The following KMT2B variants were observed in gnomAD, a reference collection of about 807,000 sequenced individuals.
The protein encoded by KMT2B is lysine methyltransferase 2B, also known as histone-lysine N-methyltransferase 2B.
A neutral mutation model predicts 255.3 loss-of-function variants in KMT2B; 22 were observed. The observed-to-expected ratio is 0.09, with a 90% confidence interval of 0.06 to 0.12. KMT2B has a LOEUF of 0.12. KMT2B is among the 10% of genes least tolerant of loss of function. The pLI, the probability that KMT2B is intolerant of heterozygous loss-of-function variation, is 1.00. For missense variants in KMT2B, 3,149 were observed against 3,737.0 expected (o/e 0.84, Z 4.10); for synonymous variants, 1,730 against 1,498.1 (o/e 1.15, Z -3.57).
chr19:35,727,831 G>A lies in KMT2B; in HGVS notation c.4392+44G>A, dbSNP rs1969526339. The A allele has an allele frequency of 1.2e-6, 2 of 1,613,270 alleles. No individual in the cohort carries two copies. The highest frequency in any genetic ancestry group is 1.7e-6 in the Non-Finnish European group (2 of 1,179,352). The stretch of plus-strand genomic sequence containing the variant: ...GGAGCAGGTGGGTGGCAGGAGGAGA[G>A]GGCTGGAATTGTGCAGAGGGGACTC... On this transcript the variant is annotated intron_variant, in intron 17 of 36. Transcript: ENST00000420124. This position sits in a 1 kb window ranked among gnomAD's most constrained non-coding sequence, Gnocchi z 4.2.
At chr19:35,724,794 A>G (rs2146448685) in intron 9 of KMT2B, 63 bp downstream of exon 9, 2 of 1,409,648 alleles carry the variant, frequency 1.4e-6, no homozygotes, top group Non-Finnish European at 2.0e-6. Flanking sequence ...TCAGAGTGAC[A>G]GACACACCTG....
Position 35,730,833 on chromosome 19 carries a change from C to T in KMT2B, c.5403C>T (p.Asn1801=). ...CTCACCTGGAGGCTGCAGAGGAGAA[C>T]CAGACCATTGTGCACAGCCCCGCCC... ...EPAHLEAAEE[N]QTIVHSPAPS... Residue 1801 remains asparagine (N), a synonymous_variant, in exon 26 of 37, where the codon AAC becomes AAT. Transcript: ENST00000420124. 6.2e-7 allele frequency: 1 copy of T among 1,612,642 alleles called. No individual in the cohort carries two copies. Among genetic ancestry groups the T allele is most frequent in the Non-Finnish European group, 8.5e-7 (1 of 1,179,400 alleles).
chr19:35,731,358 G>T (rs1034235721), intron 26 of KMT2B, among the ~76,000 whole-genome samples: 3 of 152,232 alleles, frequency 2.0e-5, no homozygotes, highest in African/African-American at 7.2e-5. Flanking sequence ...TGGGGGAGAG[G>T]TTATTGTGGG....
chr19:35,734,114 A>G (rs1969830872), intron 30 of KMT2B, among the ~76,000 whole-genome samples: 1 of 152,104 alleles, frequency 6.6e-6, no homozygotes, highest in East Asian at 1.9e-4. Context: ...CATGCCCAAG[A>G]GCCTAGGGGA....
In KMT2B at chr19:35,729,287, G is replaced by A. The variant is rs1338811289; in HGVS notation, c.4908G>A (p.Gly1636=). Residue 1636 remains glycine, a synonymous_variant, in exon 22 of 37, where the codon GGG becomes GGA. Transcript: ENST00000420124. ...LKNVHAAVAR[G]RQMRCELCLK... ...ATGTGCATGCTGCTGTGGCCCGAGG[G>A]AGGCAGATGGTGAGGGCGCGGGCGC... 6.3e-7 allele frequency: 1 copy of A among 1,598,760 alleles called. No homozygotes were observed.
Position 35,718,396 on chromosome 19 carries a change from G to T in KMT2B, c.363+15G>T. 8.0e-7 allele frequency: 1 copy of T among 1,257,772 alleles called. No homozygotes were observed. The highest frequency in any genetic ancestry group is 3.8e-5 in the South Asian group (1 of 26,182). 77.9% of individuals were successfully genotyped at this position (1,257,772 alleles called of 1,614,324 possible). On this transcript the variant is annotated intron_variant, in intron 1 of 36. Transcript: ENST00000420124. This position sits in a 1 kb window ranked among gnomAD's most constrained non-coding sequence, Gnocchi z 5.0. The stretch of plus-strand genomic sequence containing the variant: ...CCGACGAGGAGGTGAGGCGGTTGGA[G>T]GCGTCCCCGGCGCCGGGTGGGGCGG...
chr19:35,734,907 C>G (rs1375525414), intron 30 of KMT2B, among the ~76,000 whole-genome samples: 1 of 152,214 alleles, frequency 6.6e-6, no homozygotes, highest in African/African-American at 2.4e-5. Context: ...GAGTGCTTAA[C>G]TCAGAGGCTG....
intron 9 of KMT2B, 99 bp from the exon 10 acceptor site, chr19:35,724,890 A>G: frequency 5.3e-6 from 6 of 1,135,814 alleles, no homozygotes; most frequent in Non-Finnish European, 7.9e-6. Flanking sequence ...GGTCTGGATC[A>G]GGGTCTGGGT....
rs1969316263 is a variant in KMT2B, at chr19:35,723,812, C to CG, written c.3145dup (p.Ala1049GlyfsTer39). The CG allele has an allele frequency of 1.9e-6, 3 of 1,592,870 alleles. No homozygotes were observed. The highest frequency in any genetic ancestry group is 1.7e-6 in the Non-Finnish European group (2 of 1,169,234). On this transcript the variant is annotated frameshift_variant, in exon 8 of 37. Transcript: ENST00000420124. LOFTEE classifies it high-confidence loss of function. This position sits in a 1 kb window ranked among gnomAD's most constrained non-coding sequence, Gnocchi z 7.5. ...CTCCCCTGGTCCTCCAGGCCCACGCCGGGGGGCGGGAGCTGGGGGGCCCCG... is the reference window on the plus strand; with the variant it reads ...CTCCCCTGGTCCTCCAGGCCCACGCCGGGGGGGCGGGAGCTGGGGGGCCCCG...
chr19:35,733,330 A>G lies in KMT2B; in HGVS notation c.6781A>G (p.Thr2261Ala), dbSNP rs1377293557. The stretch of plus-strand genomic sequence containing the variant: ...CCCGCCCCCGCCACCCCCTCCCCTG[A>G]CGCTGGTGCTGAGCAGTGGGCCAGC... ...PAPPPPPPPL[T>A]LVLSSGPASP... The change falls in exon 28 of 37, where the codon ACG becomes GCG. Residue 2261 changes from threonine (T) to alanine (A), a missense_variant. Thr to Ala is a moderately conservative substitution (Grantham distance 58). Coordinates refer to ENST00000420124, the MANE Select transcript of KMT2B (RefSeq NM_014727.3). The surrounding 1 kb of genome is among the most constrained non-coding windows in gnomAD (Gnocchi z 4.3). The G allele has an allele frequency of 2.4e-6, 3 of 1,265,072 alleles. No individual in the cohort carries two copies. Among genetic ancestry groups the G allele is most frequent in the Non-Finnish European group, 3.3e-6 (3 of 920,142 alleles). 78.4% of individuals were successfully genotyped at this position (1,265,072 alleles called of 1,614,324 possible).
At position 35,721,712 on chromosome 19, in the gene KMT2B, G is replaced by A; in HGVS notation, c.2365G>A (p.Glu789Lys). Residue 789 changes from glutamate (E) to lysine (K), a missense_variant, in exon 3 of 37, where the codon GAG (glutamate) becomes AAG (lysine). This residue lies in a region of KMT2B where 1,188 missense variants were observed against 1,106.4 expected (regional missense o/e 1.07). Transcript: ENST00000420124. ...GGGTTCCTTGCCGCTGTCTGGGGTA[G>A]AGGAGAAGATGTTCAGCCTCCTCAA... Reference protein sequence around the residue: ...GVGSLPLSGVEEKMFSLLKRA... With the variant: ...GVGSLPLSGVKEKMFSLLKRA... 1.2e-6 allele frequency: 2 copies of A among 1,610,586 alleles called. No individual in the cohort carries two copies. The highest frequency in any genetic ancestry group is 8.5e-7 in the Non-Finnish European group (1 of 1,178,372).
Position 35,725,779 on chromosome 19 carries a change from C to T in KMT2B, c.3846C>T (p.Pro1282=). ...CATACCACCCGGCCTGTCTGGGGCC[C>T]AGCTATCCAACCCGGGCCACGCGCA... is the stretch of plus-strand genomic sequence containing the variant. ...RHAYHPACLG[P]SYPTRATRKR... Residue 1282 remains proline, a synonymous_variant, in exon 13 of 37, where the codon CCC becomes CCT. Transcript: ENST00000420124. The surrounding 1 kb of genome is among the most constrained non-coding windows in gnomAD (Gnocchi z 4.1). 2.5e-6 allele frequency: 4 copies of T among 1,597,738 alleles called. No homozygotes were observed. The highest frequency in any genetic ancestry group is 3.4e-6 in the Non-Finnish European group (4 of 1,172,678).
Position 35,721,639 on chromosome 19 carries a change from G to A in KMT2B, c.2292G>A (p.Pro764=), listed in dbSNP as rs754973562. 1.6e-5 allele frequency: 26 copies of A among 1,613,276 alleles called. No homozygotes were observed. The highest frequency in any genetic ancestry group is 1.1e-4 in the East Asian group (5 of 44,870). The change falls in exon 3 of 37, where the codon CCG becomes CCA. Residue 764 remains proline (P), a synonymous_variant. Coordinates refer to ENST00000420124, the MANE Select transcript of KMT2B (RefSeq NM_014727.3). ...PPPQPQLQPP[P]SPQQMPPLEK... ...CACAGCCACAGCTGCAGCCACCGCC[G>A]TCACCACAGCAGATGCCTCCCCTGG... is the stretch of plus-strand genomic sequence containing the variant.
intron 3 of KMT2B, among the ~76,000 whole-genome samples, chr19:35,722,057 T>C (rs563248036): frequency 8.0e-5 from 12 of 149,318 alleles, no homozygotes; most frequent in African/African-American, 3.0e-4. Context: ...CAGGCTGGAG[T>C]GCAGTGGCGT....
chr19:35,719,830 T>A lies in KMT2B; in HGVS notation c.483T>A (p.Leu161=). ...GTCGCAAGCATAAGACGACCCCCCT[T>A]CCTCCTCCTCGCCTAGCAGATGTGG... ...GRGRKHKTTP[L]PPPRLADVAP... is the part of the protein sequence containing the mutation. Residue 161 remains leucine (L), a synonymous_variant, in exon 3 of 37, where the codon CTT becomes CTA. Coordinates refer to ENST00000420124, the MANE Select transcript of KMT2B (RefSeq NM_014727.3). 6.2e-7 allele frequency: 1 copy of A among 1,610,092 alleles called. No individual in the cohort carries two copies.
Position 35,733,389 on chromosome 19 carries a change from G to A in KMT2B, c.6840G>A (p.Arg2280=), listed in dbSNP as rs1323790209. Residue 2280 remains arginine (R), a synonymous_variant, in exon 28 of 37, where the codon AGG becomes AGA. Coordinates refer to ENST00000420124, the MANE Select transcript of KMT2B (RefSeq NM_014727.3). This position sits in a 1 kb window ranked among gnomAD's most constrained non-coding sequence, Gnocchi z 4.3. ...SPPRQAIRVK[R]VSTFSGRSPP... ...CCCGCCAGGCCATCCGCGTCAAGAGGGTGTCCACTTTCTCCGGCCGGTCCC... is the reference window on the plus strand; with the variant it reads ...CCCGCCAGGCCATCCGCGTCAAGAGAGTGTCCACTTTCTCCGGCCGGTCCC... 3 of 1,550,216 alleles carry A rather than the reference G, an allele frequency of 1.9e-6. No individual in the cohort carries two copies. Among genetic ancestry groups the A allele is most frequent in the South Asian group, 2.4e-5 (2 of 84,060 alleles).
chr19:35,728,989 C>G lies in KMT2B; in HGVS notation c.4692C>G (p.Phe1564Leu). ...GQPPGDPSAA[F>L]QGKDPAAFSH... ...CCCTTCACATTTCCTCTTCAGCATT[C>G]CAGGGCAAGGATCCGGCTGCCTTCT... Residue 1564 changes from phenylalanine (F) to leucine (L), a missense_variant, in exon 21 of 37, where the codon TTC becomes TTG. By Grantham distance (22) the Phe-to-Leu change is conservative (BLOSUM62 0). Around this residue, in one of 18 missense-constraint regions of KMT2B, gnomAD observed 377 missense variants for 471.0 expected, o/e 0.80. Transcript: ENST00000420124. The G allele has an allele frequency of 6.2e-7, 1 of 1,613,976 alleles. No homozygotes were observed. Among genetic ancestry groups the G allele is most frequent in the South Asian group, 1.1e-5 (1 of 91,086 alleles).
rs1196223402 is a variant in KMT2B at position 35,720,380 on chromosome 19, G to A, written c.1033G>A (p.Gly345Arg). Residue 345 changes from glycine to arginine, a missense_variant, in exon 3 of 37, where the codon GGA (glycine) becomes AGA (arginine). Physicochemically the swap from Gly to Arg is moderately radical, Grantham distance 125. Coordinates refer to ENST00000420124, the MANE Select transcript of KMT2B (RefSeq NM_014727.3). ...SWQDVPQRRVGSGQGGSPCWK... is the reference protein window; with the variant it reads ...SWQDVPQRRVRSGQGGSPCWK... ...GCAGGATGTCCCCCAAAGAAGAGTT[G>A]GATCTGGACAGGGAGGGAGCCCTTG... is the stretch of plus-strand genomic sequence containing the variant. The A allele has an allele frequency of 2.5e-6, 4 of 1,592,064 alleles. No individual in the cohort carries two copies. Among genetic ancestry groups the A allele is most frequent in the African/African-American group, 2.7e-5 (2 of 74,486 alleles).
At chr19:35,728,330 T>C (rs1328201253) in intron 19 of KMT2B, among the ~76,000 whole-genome samples, 159 bp downstream of exon 19, 2 of 152,110 alleles carry the variant, frequency 1.3e-5, no homozygotes, top group African/African-American at 4.8e-5. Context: ...CTGGTGGTTC[T>C]AGACTAGCAA....
Sources: gnomAD v4.1 joint callset for allele counts (sites outside exome capture counted in the v4.1 genomes callset) on GRCh38, gnomAD v4.1.1 for gene constraint, gnomAD v4.1.1 regional missense constraint, Gnocchi (gnomAD v3.1) non-coding constraint, MANE v1.5 for transcripts, NCBI Gene and HGNC (gene_info 2026-07-23, HGNC 2026-07-21) for gene names.